SLC2A7: variants seen among roughly 807,000 people sequenced by gnomAD.
SLC2A7 encodes solute carrier family 2 member 7, also known as solute carrier family 2, facilitated glucose transporter member 7.
A neutral mutation model predicts 50.5 loss-of-function variants in SLC2A7; 50 were observed. That is an observed-to-expected ratio of 0.99 (90% CI 0.79 to 1.25). SLC2A7 has a LOEUF of 1.25. SLC2A7 is among the 50% of genes most tolerant of loss of function. SLC2A7 has a pLI of 0.00. For missense variants in SLC2A7, 683 were observed against 679.1 expected (o/e 1.01, Z -0.06); for synonymous variants, 308 against 300.4 (o/e 1.03, Z -0.26).
intron 8 of SLC2A7, 61 bp from the exon 9 acceptor site, chr1:9,010,305 G>C: frequency 1.5e-6 from 2 of 1,360,858 alleles, no homozygotes; most frequent in South Asian, 2.5e-5. Flanking sequence ...TTCTTGGGCC[G>C]AGCCTCCACT....
rs1469370887 is a variant in SLC2A7 at position 9,014,879 on chromosome 1, C to G, written c.716-11G>C. 7.0e-6 allele frequency: 11 copies of G among 1,581,416 alleles called. No homozygotes were observed. The Admixed American group carries it at 2.0e-4, about 29-fold the overall frequency. On this transcript the variant is annotated splice_polypyrimidine_tract_variant and intron_variant, in intron 6 of 11. Coordinates refer to ENST00000400906, the MANE Select transcript of SLC2A7 (RefSeq NM_207420.3). ...TCAGCCTCCTCAGAGCTGCGGAAAG[C>G]AGAACCACCCGCTCAGAGGGCCGTC...
intron 8 of SLC2A7, 39 bp from the exon 9 acceptor site, chr1:9,010,283 T>C (rs1640727544): frequency 1.3e-6 from 2 of 1,525,362 alleles, no homozygotes; most frequent in Non-Finnish European, 1.8e-6. Flanking sequence ...CGCCTTGGCC[T>C]GGCGCCCACG....
chr1:8,997,781 G>A, the SLC2A7 span, among the ~76,000 whole-genome samples: 9 of 152,026 alleles, frequency 5.9e-5, no homozygotes, highest in Non-Finnish European at 8.8e-5. Flanking sequence ...CAATTTTTTT[G>A]TGCTTGTCTG....
chr1:9,001,575 C>T (rs745686055), downstream of SLC2A7, among the ~76,000 whole-genome samples: 1 of 151,982 alleles, frequency 6.6e-6, no homozygotes, highest in Admixed American at 6.6e-5. Flanking sequence ...CACATGACCG[C>T]ACTGGCCAAT....
In SLC2A7 at chr1:9,013,555, G is replaced by T. The variant is rs752409471; in HGVS notation, c.984C>A (p.Gly328=). ...TGATGGTCATCACTATGTTGACGACGCCAGAGCCCACCGTTACATATTGGG... is the reference window on the plus strand; with the variant it reads ...TGATGGTCATCACTATGTTGACGACTCCAGAGCCCACCGTTACATATTGGG... The part of the protein sequence containing the change: ...AHSQYVTVGS[G]VVNIVMTITS... Residue 328 remains glycine (G), a synonymous_variant, in exon 8 of 12, where the codon GGC becomes GGA. Coordinates refer to ENST00000400906, the MANE Select transcript of SLC2A7 (RefSeq NM_207420.3). 6.2e-7 allele frequency: 1 copy of T among 1,613,920 alleles called. No homozygotes were observed. Among genetic ancestry groups the T allele is most frequent in the South Asian group, 1.1e-5 (1 of 91,056 alleles).
chr1:8,994,924 C>G, the SLC2A7 span, among the ~76,000 whole-genome samples: 1 of 151,782 alleles, frequency 6.6e-6, no homozygotes, highest in Non-Finnish European at 1.5e-5. Context: ...GGGCTCAACA[C>G]CACGCCCAGC....
At chr1:8,996,574 C>T in the SLC2A7 span, among the ~76,000 whole-genome samples, 2 of 152,280 alleles carry the variant, frequency 1.3e-5, no homozygotes, top group East Asian at 3.9e-4. Flanking sequence ...GGTAGATGTA[C>T]ATTTAACTGT....
chr1:9,022,958 C>T lies in SLC2A7; in HGVS notation c.271G>A (p.Gly91Arg). 6.2e-7 allele frequency: 1 copy of T among 1,614,146 alleles called. No homozygotes were observed. The highest frequency in any genetic ancestry group is 8.5e-7 in the Non-Finnish European group (1 of 1,180,012). ...ACCAGCAGGCCCACGAGCAATGACC[C>T]CAACAGGCCGCCCAGAGGAAACATG... The part of the protein sequence containing the change: ...VSMFPLGGLL[G>R]SLLVGLLVDS... Residue 91 changes from glycine (G) to arginine (R), a missense_variant, in exon 3 of 12, where the codon GGG (glycine) becomes AGG (arginine). Gly to Arg is a moderately radical substitution (Grantham distance 125). Transcript: ENST00000400906.
chr1:9,001,656 G>A (rs1640576892), downstream of SLC2A7, among the ~76,000 whole-genome samples: 1 of 152,046 alleles, frequency 6.6e-6, no homozygotes, highest in Non-Finnish European at 1.5e-5. Context: ...GAGCTCAGGT[G>A]ATCTACTCGC....
chr1:8,996,473 C>G, the SLC2A7 span, among the ~76,000 whole-genome samples: 1 of 152,176 alleles, frequency 6.6e-6, no homozygotes, highest in Admixed American at 6.5e-5. Flanking sequence ...CTAAATGAAG[C>G]TGCTATGAAC....
intron 3 of SLC2A7, among the ~76,000 whole-genome samples, 166 bp from the exon 4 acceptor site, chr1:9,019,499 TG>T (rs1640882139): frequency 6.6e-6 from 1 of 152,134 alleles, no homozygotes; most frequent in Non-Finnish European, 1.5e-5. Flanking sequence ...CAAATTCCTA[TG>T]TTGAAGGCCT....
At position 9,026,394 on chromosome 1, in the gene SLC2A7, T is replaced by A. The variant is rs1210762393; in HGVS notation, c.-49A>T. The A allele has an allele frequency of 6.5e-7, 1 of 1,540,078 alleles. No homozygotes were observed. Among genetic ancestry groups the A allele is most frequent in the Non-Finnish European group, 8.8e-7 (1 of 1,136,110 alleles). ...TGTGCTCTACCTCCCAAGTGACACCTGCTCTGCGCCAGCCACCTAAAGACC... is the reference window on the plus strand; with the variant it reads ...TGTGCTCTACCTCCCAAGTGACACCAGCTCTGCGCCAGCCACCTAAAGACC... On this transcript the variant is annotated 5_prime_UTR_variant, in exon 1 of 12. Transcript: ENST00000400906.
At chr1:9,011,911 G>A (rs557112874) in intron 8 of SLC2A7, among the ~76,000 whole-genome samples, 7 of 151,842 alleles carry the variant, frequency 4.6e-5, no homozygotes, top group South Asian at 2.1e-4. Context: ...TATCACGCCC[G>A]GCTAATTTTT....
intron 9 of SLC2A7, among the ~76,000 whole-genome samples, chr1:9,009,011 C>T (rs1335943785): frequency 1.3e-5 from 2 of 152,174 alleles, no homozygotes; most frequent in Non-Finnish European, 2.9e-5. Context: ...CCCCGCAGGC[C>T]CTGGCCTCCT....
At chr1:8,993,673 G>C in the SLC2A7 span, among the ~76,000 whole-genome samples, 1 of 152,176 alleles carries the variant, frequency 6.6e-6, no homozygotes, top group African/African-American at 2.4e-5. Flanking sequence ...TGTCGCTCAG[G>C]CTGGAATGCA....
At chr1:9,022,694 G>A (rs1396503266) in intron 3 of SLC2A7, among the ~76,000 whole-genome samples, 1 of 152,054 alleles carries the variant, frequency 6.6e-6, no homozygotes, top group Admixed American at 6.6e-5. Context: ...CTCTGTGGCA[G>A]GTGACGGAAG....
Position 9,019,214 on chromosome 1 carries a change from C to T in SLC2A7, c.431G>A (p.Cys144Tyr). The change falls in exon 4 of 12, where the codon TGT (cysteine) becomes TAT (tyrosine). Residue 144 changes from cysteine (C) to tyrosine (Y), a missense_variant. Coordinates refer to ENST00000400906, the MANE Select transcript of SLC2A7 (RefSeq NM_207420.3). ...GGAGCCTGGGCCCCAGGTACCTGCA[C>T]AGACTCCCAGCACCACTCGGGAAAA... ...IVFSRVVLGV[C>Y]AGISYSALPM... The T allele has an allele frequency of 1.2e-6, 2 of 1,613,844 alleles. No homozygotes were observed. Among genetic ancestry groups the T allele is most frequent in the African/African-American group, 1.3e-5 (1 of 75,014 alleles).
Position 9,015,245 on chromosome 1 carries a change from G to A in SLC2A7, c.590-3C>T. On this transcript the variant is annotated splice_region_variant and splice_polypyrimidine_tract_variant and intron_variant, in intron 5 of 11. Transcript: ENST00000400906. ...GAGCGCCAGAAGCACCGGCCAGCCT[G>A]CAAGGAGCCAAGGACTCAGGATCCC... 1 of 1,588,144 alleles carries A rather than the reference G, an allele frequency of 6.3e-7. No individual in the cohort carries two copies. Among genetic ancestry groups the A allele is most frequent in the Admixed American group, 1.7e-5 (1 of 57,454 alleles).
chr1:9,003,198 A>G lies in SLC2A7; in HGVS notation c.*102T>C. 1 of 1,030,602 alleles carries G rather than the reference A, an allele frequency of 9.7e-7. No individual in the cohort carries two copies. The highest frequency in any genetic ancestry group is 1.4e-6 in the Non-Finnish European group (1 of 702,974). 63.8% of individuals were successfully genotyped at this position (1,030,602 alleles called of 1,614,324 possible). On this transcript the variant is annotated 3_prime_UTR_variant, in exon 12 of 12. Transcript: ENST00000400906. ...AATTAAGTTAAATGGGGGCAACGAC[A>G]AAAGCCTCCGTGCTATTATCCTCCC...
Sources: allele counts gnomAD v4.1 joint callset (sites outside exome capture counted in the v4.1 genomes callset), GRCh38; gene constraint gnomAD v4.1.1; transcripts MANE v1.5; gene names NCBI Gene and HGNC (gene_info 2026-07-23, HGNC 2026-07-21).